Variants in INTS6 observed in about 807,000 individuals in gnomAD.
The protein encoded by INTS6 is DEAD box protein.
Under a neutral mutation model 104.9 loss-of-function variants are expected in INTS6, and 16 were observed. That is an observed-to-expected ratio of 0.15 (90% CI 0.10 to 0.23). The LOEUF (loss-of-function observed/expected upper bound fraction) is 0.23. Among genes scored for constraint, INTS6 ranks in the 10% least tolerant of loss-of-function variants. The pLI, the probability that INTS6 is intolerant of heterozygous loss-of-function variation, is 1.00. For missense variants in INTS6, 584 were observed against 1,062.8 expected (o/e 0.55, Z 6.26); for synonymous variants, 324 against 358.7 (o/e 0.90, Z 1.09).
the INTS6 span, chr13:51,341,337 C>A: frequency 6.3e-7 from 1 of 1,598,792 alleles, no homozygotes; most frequent in Non-Finnish European, 8.5e-7. Flanking sequence ...CCCTGGGGTA[C>A]ACTGTCCATG....
At chr13:51,355,730 T>C (rs1449265788) in intron 3 of INTS6, among the ~76,000 whole-genome samples, 4 of 152,184 alleles carry the variant, frequency 2.6e-5, no homozygotes, top group Non-Finnish European at 5.9e-5. Context: ...TGTTTGCTTA[T>C]GGTATTATAG....
At chr13:51,421,971 A>G (rs1003010273) in intron 4 of INTS6, among the ~76,000 whole-genome samples, 9 of 152,190 alleles carry the variant, frequency 5.9e-5, no homozygotes, top group African/African-American at 1.2e-4. Context: ...AAACTTTAAA[A>G]GCTGATTTAA....
chr13:51,452,813 G>A lies in INTS6; in HGVS notation c.-288C>T. 2 of 1,176,190 alleles carry A rather than the reference G, an allele frequency of 1.7e-6. No homozygotes were observed. Among genetic ancestry groups the A allele is most frequent in the Non-Finnish European group, 1.1e-6 (1 of 944,854 alleles). 72.9% of individuals were successfully genotyped at this position (1,176,190 alleles called of 1,614,324 possible). Reference sequence around the variant, plus strand: ...GTCTGTCTGTCGGTTCGTCCCCCCCGCCTCGGGGGTCCCGTCCCCGCTCCC... The same window carrying A: ...GTCTGTCTGTCGGTTCGTCCCCCCCACCTCGGGGGTCCCGTCCCCGCTCCC... On this transcript the variant is annotated 5_prime_UTR_variant, in exon 1 of 18. Transcript: ENST00000311234. This position sits in a 1 kb window ranked among gnomAD's most constrained non-coding sequence, Gnocchi z 4.2.
chr13:51,361,668 C>G lies in INTS6; in HGVS notation c.*4084G>C. ...CATCTTTTCTCTTTAATTTTCCCAT[C>G]TGCACCCCCATCACAACAGTAAACA... On this transcript the variant is annotated 3_prime_UTR_variant, in exon 18 of 18. Coordinates refer to ENST00000311234, the MANE Select transcript of INTS6 (RefSeq NM_012141.3). 2 of 706,596 alleles carry G rather than the reference C, an allele frequency of 2.8e-6. No individual in the cohort carries two copies. Among genetic ancestry groups the G allele is most frequent in the South Asian group, 4.2e-5 (2 of 47,716 alleles). The allele number at this position is 706,596 out of a possible 1,614,324, so 43.8% of individuals were successfully genotyped here. A position where few individuals can be genotyped will look rare whatever the true frequency, so the allele number is the denominator to read the frequency against.
Position 51,382,131 on chromosome 13 carries a change from C to A in INTS6, c.1181-8G>T, listed in dbSNP as rs545967835. ...GCACTTTAAACAAGTCATCTAGAAA[C>A]GTATAATGTGAACAAACTATCACTA... On this transcript the variant is annotated splice_polypyrimidine_tract_variant and splice_region_variant and intron_variant, in intron 9 of 17. Coordinates refer to ENST00000311234, the MANE Select transcript of INTS6 (RefSeq NM_012141.3). 2 of 1,564,246 alleles carry A rather than the reference C, an allele frequency of 1.3e-6. No homozygotes were observed. Among genetic ancestry groups the A allele is most frequent in the African/African-American group, 1.4e-5 (1 of 73,934 alleles).
At chr13:51,384,602 G>A (rs1418174283) in intron 7 of INTS6, 2 of 456,310 alleles carry the variant, frequency 4.4e-6, no homozygotes, top group Non-Finnish European at 8.8e-6. Context: ...GACACAATAT[G>A]TACAATTTGT....
downstream of INTS6, among the ~76,000 whole-genome samples, chr13:51,360,690 T>A (rs1326770076): frequency 6.6e-6 from 1 of 152,078 alleles, no homozygotes; most frequent in Non-Finnish European, 1.5e-5. Context: ...GCATAACTGA[T>A]ACACCTAAGT....
intron 3 of INTS6, chr13:51,444,886 T>C (rs1370481371): frequency 2.0e-5 from 3 of 152,000 alleles, no homozygotes; most frequent in African/African-American, 7.2e-5. Context: ...AGAAATATTT[T>C]GCAAATGTTT....
intron 4 of INTS6, among the ~76,000 whole-genome samples, chr13:51,403,716 A>C (rs1193241683): frequency 6.6e-6 from 1 of 151,712 alleles, no homozygotes; most frequent in Non-Finnish European, 1.5e-5. Flanking sequence ...CATGCTTCCC[A>C]CTTAAGTTTT....
At chr13:51,335,544 A>C in the INTS6 span, among the ~76,000 whole-genome samples, 1 of 152,218 alleles carries the variant, frequency 6.6e-6, no homozygotes, top group South Asian at 2.1e-4. Context: ...GATGTTCCAG[A>C]GCGTAGTGTG....
intron 4 of INTS6, among the ~76,000 whole-genome samples, chr13:51,396,323 A>G (rs1956337560): frequency 6.6e-6 from 1 of 152,158 alleles, no homozygotes; most frequent in African/African-American, 2.4e-5. Flanking sequence ...GATTCTTACC[A>G]CATCTGAGTA....
rs751657754 is a variant in INTS6, at chr13:51,452,988, C to G, written c.-463G>C. ...TGGGAGAAGTTTCAGGGACTCCCTC[C>G]GCACCCCGGCGGTGTCACCACTTTC... On this transcript the variant is annotated 5_prime_UTR_variant, in exon 1 of 18. Transcript: ENST00000311234. This position sits in a 1 kb window ranked among gnomAD's most constrained non-coding sequence, Gnocchi z 4.2. The G allele has an allele frequency of 1.0e-6, 1 of 1,004,740 alleles. No homozygotes were observed. Among genetic ancestry groups the G allele is most frequent in the Non-Finnish European group, 1.2e-6 (1 of 841,520 alleles). 62.2% of individuals were successfully genotyped at this position (1,004,740 alleles called of 1,614,324 possible).
intron 3 of INTS6, chr13:51,439,537 T>C (rs1952753758): frequency 6.6e-6 from 1 of 152,168 alleles, no homozygotes; most frequent in African/African-American, 2.4e-5. Context: ...CCTATCCTAT[T>C]ATGTCTTTTC....
chr13:51,361,572 G>C (rs1466457488), downstream of INTS6: 16 of 585,886 alleles, frequency 2.7e-5, no homozygotes, highest in Non-Finnish European at 1.8e-5. Flanking sequence ...AAATAATTCT[G>C]AAAGTTACCT....
At chr13:51,357,113 C>T (rs113185912), downstream of INTS6, among the ~76,000 whole-genome samples, 1,710 of 152,270 alleles carry the variant, frequency 0.011, 25 homozygotes, top group East Asian at 0.07. Flanking sequence ...GAGACAGACA[C>T]CATATGGCTT....
chr13:51,355,058 T>A (rs1566195032), intron 3 of INTS6: 1 of 1,534,558 alleles, frequency 6.5e-7, no homozygotes, highest in East Asian at 2.4e-5. Flanking sequence ...GGATCCAAAA[T>A]CAATTCAACT....
intron 7 of INTS6, among the ~76,000 whole-genome samples, chr13:51,386,758 C>T (rs923506745): frequency 6.6e-6 from 1 of 151,454 alleles, no homozygotes; most frequent in African/African-American, 2.4e-5. Context: ...CCCTCAGATA[C>T]TTAGAAAAAA....
intron 5 of INTS6, among the ~76,000 whole-genome samples, chr13:51,391,185 A>C (rs1293639244): frequency 6.6e-6 from 1 of 152,170 alleles, no homozygotes; most frequent in East Asian, 1.9e-4. Flanking sequence ...CCATCTTTAC[A>C]TGCAAAATAT....
downstream of INTS6, chr13:51,361,519 G>A (rs1593652231): frequency 6.5e-6 from 4 of 611,390 alleles, no homozygotes; most frequent in Non-Finnish European, 1.1e-5. Flanking sequence ...AAAACAAAAA[G>A]TTTTTGAAAA....
Sources: gnomAD v4.1 joint callset for allele counts (sites outside exome capture counted in the v4.1 genomes callset) on GRCh38, gnomAD v4.1.1 for gene constraint, Gnocchi (gnomAD v3.1) non-coding constraint, MANE v1.5 for transcripts, NCBI Gene and HGNC (gene_info 2026-07-23, HGNC 2026-07-21) for gene names.